ZNF182: variants seen among roughly 807,000 people sequenced by gnomAD.
ZNF182 encodes the protein zinc finger protein 182, also known as zinc finger protein 21 (KOX 14).
Under a neutral mutation model 28.1 loss-of-function variants are expected in ZNF182, and 10 were observed. That is an observed-to-expected ratio of 0.36 (90% CI 0.22 to 0.60). ZNF182 has a LOEUF of 0.60. Ranked by LOEUF, ZNF182 falls within the 20% of genes least tolerant of loss-of-function variation. The probability of loss-of-function intolerance (pLI) is 0.75; values close to 1 mark genes in which losing one functional copy is unlikely to be tolerated. For missense variants in ZNF182, 352 were observed against 453.2 expected (o/e 0.78, Z 2.03); for synonymous variants, 156 against 158.7 (o/e 0.98, Z 0.13).
intron 3 of ZNF182, among the ~76,000 whole-genome samples, chrX:47,990,732 T>C (rs1342219343): frequency 8.9e-6 from 1 of 112,051 alleles, no homozygotes; most frequent in Non-Finnish European, 1.9e-5. Flanking sequence ...TGATAATATA[T>C]GCTTGTGGGG....
chrX:47,999,362 CAAA>C (rs34268696), intron 3 of ZNF182, among the ~76,000 whole-genome samples: 17 of 85,274 alleles, frequency 2.0e-4, no homozygotes, highest in Admixed American at 2.7e-4. Flanking sequence ...GACTCCATCT[CAAA>C]AAAAAAAAAA....
chrX:47,995,485 A>C (rs2058955771), intron 3 of ZNF182, among the ~76,000 whole-genome samples: 1 of 112,171 alleles, frequency 8.9e-6, no homozygotes, highest in African/African-American at 3.2e-5. Context: ...TAATCCCAAA[A>C]ATAGAAAAAA....
chrX:47,996,414 T>C (rs2058958807), intron 3 of ZNF182, among the ~76,000 whole-genome samples: 1 of 105,624 alleles, frequency 9.5e-6, no homozygotes, highest in African/African-American at 3.5e-5. Context: ...AAAAATGTAA[T>C]CTAAGAAAAT....
At chrX:47,985,140 T>C (rs2058919435) in intron 3 of ZNF182, among the ~76,000 whole-genome samples, 1 of 112,116 alleles carries the variant, frequency 8.9e-6, no homozygotes, top group African/African-American at 3.2e-5. Flanking sequence ...AACATTTATA[T>C]AGCAACTACA....
At chrX:47,994,669 C>G (rs1247415029) in intron 3 of ZNF182, among the ~76,000 whole-genome samples, 2 of 111,585 alleles carry the variant, frequency 1.8e-5, no homozygotes, top group African/African-American at 3.3e-5. Context: ...GATGGAGTCT[C>G]GCTCTGTTGC....
At chrX:47,982,734 C>T (rs139397044) in intron 5 of ZNF182, among the ~76,000 whole-genome samples, 1,442 of 111,336 alleles carry the variant, frequency 0.013, 26 homozygotes, top group African/African-American at 0.045. Context: ...CAGAAACTTG[C>T]AGGTAAGCAC....
At chrX:47,982,856 A>G in intron 5 of ZNF182, 93 bp downstream of exon 5, 1 of 866,865 alleles carries the variant, frequency 1.2e-6, no homozygotes. Flanking sequence ...ACCTTTTCCT[A>G]AGATATTCCT....
intron 3 of ZNF182, among the ~76,000 whole-genome samples, chrX:48,001,366 AACT>A (rs1431430487): frequency 8.9e-6 from 1 of 112,591 alleles, no homozygotes; most frequent in Non-Finnish European, 1.9e-5. Flanking sequence ...ACAAAGAAAC[AACT>A]ACTGACACAC....
rs782325713 is a variant in ZNF182, at chrX:47,977,557, C to T, written c.473G>A (p.Ser158Asn). Reference protein sequence around the residue: ...MVDNLDLFSRSSAENKYDNGC... With the variant: ...MVDNLDLFSRNSAENKYDNGC... ...ATTATCATATTTATTTTCTGCAGAA[C>T]TTCTACTAAATAAGTCTAAATTATC... Residue 158 changes from serine to asparagine, a missense_variant, in exon 6 of 6, where the codon AGT becomes AAT. Physicochemically the swap from Ser to Asn is conservative, Grantham distance 46. Transcript: ENST00000376943. 4 of 1,207,597 alleles carry T rather than the reference C, an allele frequency of 3.3e-6. No homozygotes were observed. In the East Asian group the frequency reaches 1.2e-4, roughly 36 times the overall value.
intron 3 of ZNF182, among the ~76,000 whole-genome samples, chrX:47,998,332 A>G (rs782043607): frequency 1.5e-3 from 168 of 111,534 alleles, no homozygotes; most frequent in African/African-American, 4.9e-3. Flanking sequence ...CCCAAATTTA[A>G]CAAGTGTAAA....
rs1366622726 is a variant in ZNF182 at position 47,975,695 on chromosome X, T to A, written c.*472A>T. Reference sequence around the variant, plus strand: ...CCATCAGTAGACTACTTTCTAAAAATATGGCTTGTCTGAGTGACTCCTTCT... The same window carrying A: ...CCATCAGTAGACTACTTTCTAAAAAAATGGCTTGTCTGAGTGACTCCTTCT... On this transcript the variant is annotated 3_prime_UTR_variant, in exon 6 of 6. Transcript: ENST00000376943. The A allele has an allele frequency of 1.8e-5, 2 of 113,429 alleles. No individual in the cohort carries two copies. Among genetic ancestry groups the A allele is most frequent in the Non-Finnish European group, 3.7e-5 (2 of 54,384 alleles). 9.3% of individuals were successfully genotyped at this position (113,429 alleles called of 1,213,427 possible).
At chrX:47,988,190 G>A (rs1177883880) in intron 3 of ZNF182, among the ~76,000 whole-genome samples, 4 of 110,847 alleles carry the variant, frequency 3.6e-5, no homozygotes, top group Admixed American at 1.9e-4. Context: ...GGTGGTGCAT[G>A]CCTGTAATCC....
chrX:47,984,793 A>T (rs1159398150), intron 3 of ZNF182, among the ~76,000 whole-genome samples: 2 of 112,168 alleles, frequency 1.8e-5, no homozygotes, highest in Non-Finnish European at 3.8e-5. Flanking sequence ...AGAATATATA[A>T]AAAAAACTTT....
rs1556899311 is a variant in ZNF182, at chrX:47,982,944, C to T, written c.232+5G>A. On this transcript the variant is annotated splice_donor_5th_base_variant and intron_variant, in intron 5 of 5. Transcript: ENST00000376943. ...CCCCAGAGCCTGGGTCAAAATTCCA[C>T]TTACCTGGAAAGTTCCAAAATGGGA... The T allele has an allele frequency of 2.5e-6, 3 of 1,207,698 alleles. No individual in the cohort carries two copies. In the African/African-American group the frequency reaches 5.3e-5, roughly 21 times the overall value.
chrX:47,977,858 G>A, intron 5 of ZNF182, 61 bp from the exon 6 acceptor site: 2 of 969,611 alleles, frequency 2.1e-6, no homozygotes, highest in Non-Finnish European at 2.8e-6. Context: ...ACCTTCTTTA[G>A]AATTATTCTG....
At chrX:47,985,514 C>T (rs1395796173) in intron 3 of ZNF182, among the ~76,000 whole-genome samples, 1 of 111,751 alleles carries the variant, frequency 8.9e-6, no homozygotes, top group Non-Finnish European at 1.9e-5. Flanking sequence ...ACAGAAGCTT[C>T]ATGGCTGGGA....
intron 5 of ZNF182, among the ~76,000 whole-genome samples, chrX:47,979,536 A>G (rs1328020337): frequency 9.0e-6 from 1 of 111,035 alleles, no homozygotes; most frequent in Non-Finnish European, 1.9e-5. Context: ...TAAAGGAATT[A>G]TAACAGTGCC....
chrX:47,981,462 T>C (rs1294827962), intron 5 of ZNF182, among the ~76,000 whole-genome samples: 8 of 112,666 alleles, frequency 7.1e-5, no homozygotes, highest in African/African-American at 2.6e-4. Flanking sequence ...AACTTAGTGG[T>C]CACCTTTGGA....
intron 5 of ZNF182, among the ~76,000 whole-genome samples, chrX:47,980,653 T>C (rs1316379902): frequency 9.0e-6 from 1 of 111,585 alleles, no homozygotes; most frequent in African/African-American, 3.3e-5. Context: ...TATATTCTTA[T>C]AGGCTCATGT....
Sources: allele counts gnomAD v4.1 joint callset (sites outside exome capture counted in the v4.1 genomes callset), GRCh38; gene constraint gnomAD v4.1.1; transcripts MANE v1.5; gene names NCBI Gene and HGNC (gene_info 2026-07-23, HGNC 2026-07-21).